The following EDIL3 variants were observed in gnomAD, a reference collection of about 807,000 sequenced individuals.
EDIL3 encodes EGF like and discoidin domains 3.
A neutral mutation model predicts 67.4 loss-of-function variants in EDIL3; 37 were observed. That is an observed-to-expected ratio of 0.55 (90% confidence interval 0.42 to 0.72). The LOEUF (loss-of-function observed/expected upper bound fraction) is 0.72. Among genes scored for constraint, EDIL3 ranks in the 30% least tolerant of loss-of-function variants. The pLI, the probability that EDIL3 is intolerant of heterozygous loss-of-function variation, is 0.00. For missense variants in EDIL3, 527 were observed against 586.3 expected (o/e 0.90, Z 1.04); for synonymous variants, 195 against 196.3 (o/e 0.99, Z 0.05).
chr5:84,082,642 A>G (rs963968623), intron 6 of EDIL3, among the ~76,000 whole-genome samples: 1 of 152,230 alleles, frequency 6.6e-6, no homozygotes, highest in South Asian at 2.1e-4. Flanking sequence ...AATAAAATAA[A>G]ATAAATACAT....
chr5:84,254,720 T>C (rs534625862), intron 1 of EDIL3, among the ~76,000 whole-genome samples: 24 of 152,324 alleles, frequency 1.6e-4, no homozygotes, highest in African/African-American at 5.5e-4. Flanking sequence ...AGACATCTAC[T>C]TCCTCTCTTG....
intron 3 of EDIL3, among the ~76,000 whole-genome samples, chr5:84,194,513 C>T (rs925776382): frequency 2.4e-4 from 37 of 151,960 alleles, no homozygotes; most frequent in Admixed American, 1.3e-4. Context: ...TTCTAGTAGA[C>T]ATGAAAATGT....
intron 6 of EDIL3, among the ~76,000 whole-genome samples, chr5:84,075,483 C>CTTCTTCTTATTA (rs751286945): frequency 1.3e-5 from 2 of 150,974 alleles, no homozygotes; most frequent in East Asian, 3.9e-4. Flanking sequence ...TCTTCTTCTT[C>CTTCTTCTTATTA]TTATTATTTT....
intron 9 of EDIL3, among the ~76,000 whole-genome samples, chr5:84,058,952 T>C (rs565958263): frequency 1.2e-4 from 18 of 150,876 alleles, no homozygotes; most frequent in Non-Finnish European, 2.5e-4. Context: ...AGAACGGTAA[T>C]AGGAGAAAGA....
rs1001280108 is a variant in EDIL3 at position 84,239,408 on chromosome 5, T to C, written c.197-9524A>G. On this transcript the variant is annotated intron_variant, in intron 2 of 10. Transcript: ENST00000296591. ...CCAGCAATCCAACATTGTAAAGAAT[T>C]AATTTCCTTTCCTTCCCTCCTTCAG... is the stretch of plus-strand genomic sequence containing the variant. 3.9e-5 allele frequency among the ~76,000 whole-genome samples: 6 copies of C among 152,182 alleles called. No individual in the cohort carries two copies. The East Asian group carries it at 1.2e-3, about 29-fold the overall frequency.
intron 10 of EDIL3, among the ~76,000 whole-genome samples, chr5:83,944,740 A>G (rs898994720): frequency 2.1e-4 from 32 of 152,122 alleles, no homozygotes; most frequent in Admixed American, 1.9e-3. Context: ...AATCTCTTCA[A>G]CGCTTTCTGT....
At chr5:84,219,250 G>A (rs1744292575) in intron 3 of EDIL3, among the ~76,000 whole-genome samples, 1 of 152,190 alleles carries the variant, frequency 6.6e-6, no homozygotes, top group South Asian at 2.1e-4. Context: ...AGTCAATAAT[G>A]AGGGGAATTT....
intron 6 of EDIL3, among the ~76,000 whole-genome samples, chr5:84,100,654 T>A (rs1395544253): frequency 6.6e-6 from 1 of 152,100 alleles, no homozygotes; most frequent in Admixed American, 6.5e-5. Context: ...CAAACCACCA[T>A]GGCATGTGTA....
chr5:84,168,828 C>T (rs947956189), intron 4 of EDIL3, among the ~76,000 whole-genome samples: 2 of 152,182 alleles, frequency 1.3e-5, no homozygotes, highest in African/African-American at 4.8e-5. Flanking sequence ...GAATCATTCT[C>T]CAAATAGAAA....
chr5:84,087,738 G>A (rs1203553459), intron 6 of EDIL3, among the ~76,000 whole-genome samples: 1 of 152,164 alleles, frequency 6.6e-6, no homozygotes, highest in Non-Finnish European at 1.5e-5. Flanking sequence ...GGCAAGGGCT[G>A]TGCTAGAAAA....
chr5:84,077,246 C>A (rs1051486202), intron 6 of EDIL3, among the ~76,000 whole-genome samples: 2 of 152,148 alleles, frequency 1.3e-5, no homozygotes, highest in African/African-American at 4.8e-5. Context: ...TGGCAAATAT[C>A]GTCTTAGAAA....
At chr5:84,306,365 G>T (rs563597300) in intron 1 of EDIL3, among the ~76,000 whole-genome samples, 1 of 152,268 alleles carries the variant, frequency 6.6e-6, no homozygotes, top group Non-Finnish European at 1.5e-5. Context: ...GAGGTTTAAT[G>T]TTCATAATAT....
intron 1 of EDIL3, among the ~76,000 whole-genome samples, chr5:84,295,712 T>A (rs973309491): frequency 6.6e-6 from 1 of 152,142 alleles, no homozygotes; most frequent in East Asian, 1.9e-4. Flanking sequence ...TAATAATGCA[T>A]ACTGATATTA....
At chr5:84,163,213 T>C (rs1014256967) in intron 4 of EDIL3, among the ~76,000 whole-genome samples, 1 of 152,082 alleles carries the variant, frequency 6.6e-6, no homozygotes, top group Admixed American at 6.6e-5. Context: ...GGAAGTTCAT[T>C]TTAAATATAC....
chr5:84,134,468 T>C (rs1303531290), intron 5 of EDIL3, among the ~76,000 whole-genome samples: 1 of 152,170 alleles, frequency 6.6e-6, no homozygotes, highest in African/African-American at 2.4e-5. Context: ...AGTTATCATC[T>C]ATGTATTGTC....
intron 1 of EDIL3, among the ~76,000 whole-genome samples, chr5:84,373,581 T>G (rs1206067351): frequency 6.6e-6 from 1 of 152,114 alleles, no homozygotes; most frequent in Non-Finnish European, 1.5e-5. Context: ...GAAATTATCT[T>G]AGTTCGAGAT....
At chr5:84,344,992 T>A (rs1747208040) in intron 1 of EDIL3, among the ~76,000 whole-genome samples, 1 of 152,196 alleles carries the variant, frequency 6.6e-6, no homozygotes, top group Admixed American at 6.5e-5. Context: ...TGTAATTGCT[T>A]ACAAAGCATT....
At chr5:84,372,444 A>G (rs1429440312) in intron 1 of EDIL3, among the ~76,000 whole-genome samples, 1 of 152,152 alleles carries the variant, frequency 6.6e-6, no homozygotes, top group African/African-American at 2.4e-5. Flanking sequence ...CAAATGACCC[A>G]TGGATGGGCA....
chr5:84,215,209 T>C (rs945017406), intron 3 of EDIL3, among the ~76,000 whole-genome samples: 2 of 152,192 alleles, frequency 1.3e-5, no homozygotes, highest in Non-Finnish European at 2.9e-5. Context: ...TAGGAGTTTA[T>C]ATTTAGCCTG....
Sources: gnomAD v4.1 joint callset for allele counts (sites outside exome capture counted in the v4.1 genomes callset) on GRCh38, gnomAD v4.1.1 for gene constraint, MANE v1.5 for transcripts, NCBI Gene and HGNC (gene_info 2026-07-23, HGNC 2026-07-21) for gene names.